The following KANK1 variants were observed in gnomAD, a reference collection of about 807,000 sequenced individuals.
The protein encoded by KANK1 is KN motif and ankyrin repeat domains 1, also known as KN motif and ankyrin repeat domain-containing protein 1.
In KANK1, 109 loss-of-function variants were observed where a neutral mutation model predicts 106.2. The ratio of observed to expected loss-of-function variants is 1.03; its 90% CI spans 0.88 to 1.20. The LOEUF (loss-of-function observed/expected upper bound fraction) is 1.20. KANK1 is among the 50% of genes most tolerant of loss of function. KANK1 has a pLI of 0.00. For synonymous variants in KANK1, 873 were observed against 652.2 expected, an observed-to-expected ratio of 1.34 and a Z score of -5.16; for missense variants, 2,399 against 1,710.7, an observed-to-expected ratio of 1.40 and a Z score of -7.10.
chr9:670,348 T>G (rs1416195861), intron 1 of KANK1, among the ~76,000 whole-genome samples: 1 of 152,170 alleles, frequency 6.6e-6, no homozygotes, highest in Non-Finnish European at 1.5e-5. Context: ...TCTGTTTTGG[T>G]TTTTACTGGT....
chr9:606,276 G>T (rs1420240611), intron 1 of KANK1, among the ~76,000 whole-genome samples: 2 of 149,232 alleles, frequency 1.3e-5, no homozygotes, highest in African/African-American at 2.6e-5. Flanking sequence ...GGCTGGGGGT[G>T]GTGGGGGCGG....
chr9:668,327 C>A (rs1032872112), intron 1 of KANK1, among the ~76,000 whole-genome samples: 3 of 148,560 alleles, frequency 2.0e-5, no homozygotes, highest in Non-Finnish European at 3.0e-5. Context: ...ATTTGACGTC[C>A]TCCACTATTA....
intron 3 of KANK1, among the ~76,000 whole-genome samples, chr9:486,527 C>T (rs927248712): frequency 6.6e-6 from 1 of 152,128 alleles, no homozygotes; most frequent in Admixed American, 6.5e-5. Context: ...GTAGAGGTCA[C>T]ATAACTTCTC....
At chr9:538,782 G>A (rs1490191241) in intron 1 of KANK1, among the ~76,000 whole-genome samples, 1 of 152,190 alleles carries the variant, frequency 6.6e-6, no homozygotes, top group East Asian at 1.9e-4. Context: ...CTCAGAGGAT[G>A]GTTATAAGGG....
Position 492,584 on chromosome 9 carries a change from G to T in KANK1, c.-362+19311G>T, listed in dbSNP as rs571771123. 3.9e-5 allele frequency among the ~76,000 whole-genome samples: 6 copies of T among 152,176 alleles called. No homozygotes were observed. The East Asian group carries it at 1.2e-3, about 29-fold the overall frequency. ...CATCACATGCTTAACATAGTGATTG[G>T]CATATAGAAAGTACTAAGTAAATAT... On this transcript the variant is annotated intron_variant, in intron 3 of 15. Transcript: ENST00000382303.
chr9:668,370 A>T (rs973745950), intron 1 of KANK1, among the ~76,000 whole-genome samples: 4 of 152,038 alleles, frequency 2.6e-5, no homozygotes, highest in African/African-American at 9.7e-5. Context: ...CTTTGTATCT[A>T]TTAATGTTTG....
intron 1 of KANK1, among the ~76,000 whole-genome samples, chr9:538,178 TAA>T (rs60128725): frequency 2.0e-5 from 3 of 147,816 alleles, no homozygotes; most frequent in East Asian, 2.0e-4. Context: ...TTCTCGTCTG[TAA>T]AAAAAAAAAA....
At chr9:476,079 C>T (rs1200512989) in intron 3 of KANK1, among the ~76,000 whole-genome samples, 1 of 151,558 alleles carries the variant, frequency 6.6e-6, no homozygotes, top group African/African-American at 2.4e-5. Flanking sequence ...TCTTGAACTC[C>T]TGGCCTCACT....
chr9:693,233 A>G (rs1447297996), intron 2 of KANK1, among the ~76,000 whole-genome samples: 1 of 152,190 alleles, frequency 6.6e-6, no homozygotes, highest in East Asian at 1.9e-4. Context: ...GAAACCAAAA[A>G]GGAACCACTT....
At chr9:667,758 T>TG (rs1844987353) in intron 1 of KANK1, among the ~76,000 whole-genome samples, 1 of 151,396 alleles carries the variant, frequency 6.6e-6, no homozygotes, top group African/African-American at 2.4e-5. Context: ...TTTTTTTTTT[T>TG]GAGATGGAGT....
At chr9:517,047 T>C (rs1348927639) in intron 1 of KANK1, among the ~76,000 whole-genome samples, 1 of 141,122 alleles carries the variant, frequency 7.1e-6, no homozygotes. Context: ...TGTTTTTTGG[T>C]GGGCTCAGAG....
intron 1 of KANK1, among the ~76,000 whole-genome samples, chr9:641,617 A>G (rs1182632875): frequency 1.3e-5 from 2 of 152,230 alleles, no homozygotes; most frequent in Non-Finnish European, 2.9e-5. Context: ...ACTGCAAGGA[A>G]GCGTAGCCTG....
intron 1 of KANK1, among the ~76,000 whole-genome samples, chr9:602,974 C>A (rs1256622097): frequency 7.2e-5 from 11 of 151,946 alleles, no homozygotes; most frequent in African/African-American, 2.4e-4. Flanking sequence ...ATCATAGTTA[C>A]AAATCATATT....
At chr9:606,423 G>C (rs2136005458) in intron 1 of KANK1, among the ~76,000 whole-genome samples, 1 of 146,786 alleles carries the variant, frequency 6.8e-6, no homozygotes, top group Non-Finnish European at 1.5e-5. Flanking sequence ...GGGTGTGGTG[G>C]TGCATGCCTG....
intron 1 of KANK1, among the ~76,000 whole-genome samples, chr9:617,934 C>G (rs1014797132): frequency 3.4e-4 from 52 of 152,230 alleles, no homozygotes; most frequent in Non-Finnish European, 8.8e-5. Flanking sequence ...TGACATGAAT[C>G]CTGACTCAGT....
At chr9:582,358 C>G (rs1463779338) in intron 1 of KANK1, among the ~76,000 whole-genome samples, 1 of 152,100 alleles carries the variant, frequency 6.6e-6, no homozygotes. Flanking sequence ...TAAGAGTAGC[C>G]TTCAAATTCT....
At chr9:513,837 C>G (rs1164423919) in intron 1 of KANK1, among the ~76,000 whole-genome samples, 3 of 152,020 alleles carry the variant, frequency 2.0e-5, no homozygotes, top group African/African-American at 7.3e-5. Context: ...GCCAACATGG[C>G]AAAACCCCAT....
chr9:554,679 A>T (rs571942252), intron 1 of KANK1, among the ~76,000 whole-genome samples: 1 of 152,338 alleles, frequency 6.6e-6, no homozygotes, highest in African/African-American at 2.4e-5. Flanking sequence ...TTAGAGAACG[A>T]TGTTAACATC....
chr9:707,202 G>C (rs1401154670), intron 2 of KANK1: 2 of 986,154 alleles, frequency 2.0e-6, no homozygotes, highest in Non-Finnish European at 1.2e-6. Context: ...GGAGCGAGCT[G>C]TGCGGGGCAG....
Sources: gnomAD v4.1 joint callset for allele counts (sites outside exome capture counted in the v4.1 genomes callset) on GRCh38, gnomAD v4.1.1 for gene constraint, MANE v1.5 for transcripts, NCBI Gene and HGNC (gene_info 2026-07-23, HGNC 2026-07-21) for gene names.